CAMTA1: variants seen among roughly 807,000 people sequenced by gnomAD.
CAMTA1 encodes the protein calmodulin-binding transcription activator 1.
CAMTA1 carries 27 observed loss-of-function variants against 170.9 expected under a neutral mutation model. The observed-to-expected ratio is 0.16, with a 90% confidence interval of 0.12 to 0.22. CAMTA1 has a LOEUF of 0.22. CAMTA1 is among the 10% of genes least tolerant of loss of function. The pLI, the probability that CAMTA1 is intolerant of heterozygous loss-of-function variation, is 1.00. For synonymous variants in CAMTA1, 833 were observed against 891.5 expected, an observed-to-expected ratio of 0.93 and a Z score of 1.17; for missense variants, 1,619 against 2,217.2, an observed-to-expected ratio of 0.73 and a Z score of 5.42.
At chr1:6,986,962 GC>G (rs1470849783) in intron 3 of CAMTA1, among the ~76,000 whole-genome samples, 2 of 151,986 alleles carry the variant, frequency 1.3e-5, no homozygotes, top group East Asian at 3.9e-4. Flanking sequence ...GCCCCCAATG[GC>G]ATATGAGACC....
At chr1:7,623,187 CAG>C (rs1305542006) in intron 6 of CAMTA1, among the ~76,000 whole-genome samples, 4 of 152,168 alleles carry the variant, frequency 2.6e-5, no homozygotes, top group Non-Finnish European at 5.9e-5. Context: ...TCTTTGAGGG[CAG>C]AGTCTTAGAC....
intron 5 of CAMTA1, among the ~76,000 whole-genome samples, chr1:7,407,424 C>A (rs1053312826): frequency 6.6e-6 from 1 of 152,174 alleles, no homozygotes; most frequent in Non-Finnish European, 1.5e-5. Flanking sequence ...CTCTGTGGGG[C>A]CCCTCACTCC....
At chr1:7,512,194 G>A (rs1365701417) in intron 6 of CAMTA1, among the ~76,000 whole-genome samples, 12 of 152,220 alleles carry the variant, frequency 7.9e-5, no homozygotes, top group African/African-American at 2.4e-4. Context: ...TGTTCTGGGT[G>A]TCTGGAATAT....
At chr1:7,449,058 C>T (rs1167873585) in intron 5 of CAMTA1, among the ~76,000 whole-genome samples, 2 of 152,208 alleles carry the variant, frequency 1.3e-5, no homozygotes, top group African/African-American at 4.8e-5. Context: ...GGGCTGGAGG[C>T]CTGGGCAGCT....
At chr1:7,066,347 T>C (rs944661706) in intron 3 of CAMTA1, among the ~76,000 whole-genome samples, 1 of 152,192 alleles carries the variant, frequency 6.6e-6, no homozygotes, top group Non-Finnish European at 1.5e-5. Flanking sequence ...CCCCGGGATC[T>C]ACAGTGTGGG....
intron 3 of CAMTA1, among the ~76,000 whole-genome samples, chr1:7,005,490 C>A (rs1238146167): frequency 6.6e-6 from 1 of 152,206 alleles, no homozygotes; most frequent in Non-Finnish European, 1.5e-5. Flanking sequence ...TTGCTTTTCC[C>A]TTTCAAGAAA....
Position 7,654,259 on chromosome 1 carries a change from T to C in CAMTA1, c.665-7467T>C, listed in dbSNP as rs544184538. On this transcript the variant is annotated intron_variant, in intron 7 of 22. Coordinates refer to ENST00000303635, the MANE Select transcript of CAMTA1 (RefSeq NM_015215.4). ...AGCCAGGCGTGGTGGCGCACACCTG[T>C]AGTCCAGCTACTCAGGAGGCTGAGG... is the stretch of plus-strand genomic sequence containing the variant. Among the ~76,000 whole-genome samples, 12 of 152,096 alleles carry C rather than the reference T, an allele frequency of 7.9e-5. No homozygotes were observed. The South Asian group carries it at 2.5e-3, about 32-fold the overall frequency.
chr1:7,704,676 C>CCGCCG (rs1207566457), intron 11 of CAMTA1, among the ~76,000 whole-genome samples: 4 of 148,040 alleles, frequency 2.7e-5, no homozygotes. Flanking sequence ...GGTGAGCTCA[C>CCGCCG]CGCCGCGCCC....
intron 4 of CAMTA1, among the ~76,000 whole-genome samples, chr1:7,147,372 C>T (rs1191840728): frequency 1.3e-5 from 2 of 150,564 alleles, no homozygotes; most frequent in Admixed American, 6.6e-5. Context: ...TGCAGTGAGC[C>T]GAGATCGTGC....
intron 3 of CAMTA1, chr1:6,874,538 A>C (rs530796579): frequency 6.6e-6 from 1 of 152,378 alleles, no homozygotes; most frequent in Admixed American, 6.5e-5. Flanking sequence ...CTTACAGAAA[A>C]TCAGGTTCGA....
chr1:7,402,628 C>T (rs974084077), intron 5 of CAMTA1, among the ~76,000 whole-genome samples: 6 of 152,164 alleles, frequency 3.9e-5, no homozygotes, highest in African/African-American at 1.4e-4. Context: ...GCTTTTCCTT[C>T]CCCTCCTTTC....
chr1:7,766,591 ACG>A lies in CAMTA1; in HGVS notation c.*102_*103del. 7 of 978,972 alleles carry A rather than the reference ACG, an allele frequency of 7.2e-6. No individual in the cohort carries two copies. The highest frequency in any genetic ancestry group is 1.3e-5 in the South Asian group (1 of 76,706). 60.6% of individuals were successfully genotyped at this position (978,972 alleles called of 1,614,324 possible). A position where few individuals can be genotyped will look rare whatever the true frequency, so the allele number is the denominator to read the frequency against. ...ATGCAACAACAACACACACGCACAC[ACG>A]CACACACACACACGTACACACACAT... On this transcript the variant is annotated 3_prime_UTR_variant, in exon 23 of 23. Coordinates refer to ENST00000303635, the MANE Select transcript of CAMTA1 (RefSeq NM_015215.4).
rs546808586 is a variant in CAMTA1, at chr1:7,214,570, G to A, written c.303-34921G>A. Among the ~76,000 whole-genome samples the A allele has an allele frequency of 6.6e-5, 10 of 152,176 alleles. No individual in the cohort carries two copies. In the East Asian group the frequency reaches 9.7e-4, roughly 15 times the overall value. On this transcript the variant is annotated intron_variant, in intron 4 of 22. Coordinates refer to ENST00000303635, the MANE Select transcript of CAMTA1 (RefSeq NM_015215.4). ...TTTAGTAGAGACAGGGTTTCACCAC[G>A]TTAGCCGGGATGGTCTTGATCTCTG...
intron 3 of CAMTA1, among the ~76,000 whole-genome samples, chr1:7,052,912 C>T (rs1455084248): frequency 2.6e-5 from 4 of 152,232 alleles, no homozygotes; most frequent in African/African-American, 9.6e-5. Context: ...TGCTCCCCTC[C>T]CCGCACTCCT....
intron 4 of CAMTA1, among the ~76,000 whole-genome samples, chr1:7,170,276 A>G (rs1259639579): frequency 6.6e-6 from 1 of 151,192 alleles, no homozygotes; most frequent in Non-Finnish European, 1.5e-5. Flanking sequence ...TCTGTTTTGA[A>G]TTGTATAAAA....
intron 5 of CAMTA1, among the ~76,000 whole-genome samples, chr1:7,291,839 T>G (rs1034690973): frequency 1.5e-4 from 23 of 152,200 alleles, no homozygotes; most frequent in Admixed American, 1.3e-3. Context: ...CATTCCTCCT[T>G]CCAACAACTG....
chr1:7,663,101 A>G (rs1194555335), intron 8 of CAMTA1, among the ~76,000 whole-genome samples: 1 of 152,188 alleles, frequency 6.6e-6, no homozygotes, highest in East Asian at 1.9e-4. Context: ...AAAGAGCATC[A>G]AGGCCAAAGC....
At chr1:7,116,888 G>A (rs1338971984) in intron 4 of CAMTA1, among the ~76,000 whole-genome samples, 9 of 151,408 alleles carry the variant, frequency 5.9e-5, no homozygotes, top group African/African-American at 1.9e-4. Flanking sequence ...TCCTGACCTC[G>A]TGATCCACCC....
At chr1:7,109,126 C>CA (rs1233762685) in intron 4 of CAMTA1, among the ~76,000 whole-genome samples, 1 of 152,240 alleles carries the variant, frequency 6.6e-6, no homozygotes, top group African/African-American at 2.4e-5. Flanking sequence ...GTGAGCAAGA[C>CA]AAAAGCCAGA....
Sources: gnomAD v4.1 joint callset for allele counts (sites outside exome capture counted in the v4.1 genomes callset) on GRCh38, gnomAD v4.1.1 for gene constraint, MANE v1.5 for transcripts, NCBI Gene and HGNC (gene_info 2026-07-23, HGNC 2026-07-21) for gene names.